The following RAI2 variants were observed in gnomAD, a reference collection of about 807,000 sequenced individuals.
RAI2 encodes retinoic acid-induced protein 2.
RAI2 carries 5 observed loss-of-function variants against 15.3 expected under a neutral mutation model. That is an observed-to-expected ratio of 0.33 (90% CI 0.17 to 0.69). RAI2 has a LOEUF of 0.69. RAI2 is among the 30% of genes least tolerant of loss of function. The pLI, the probability that RAI2 is intolerant of heterozygous loss-of-function variation, is 0.69. For synonymous variants in RAI2, 191 were observed against 184.0 expected (o/e 1.04, Z -0.31); for missense variants, 424 against 424.7 (o/e 1.00, Z 0.01).
intron 1 of RAI2, among the ~76,000 whole-genome samples, chrX:17,848,722 G>T (rs911553526): frequency 9.0e-6 from 1 of 111,507 alleles, no homozygotes; most frequent in African/African-American, 3.3e-5. Flanking sequence ...ATGGAGGGGT[G>T]GGGGAAAACC....
At chrX:17,844,210 C>A (rs899956557) in intron 1 of RAI2, among the ~76,000 whole-genome samples, 1 of 112,460 alleles carries the variant, frequency 8.9e-6, no homozygotes, top group African/African-American at 3.2e-5. Flanking sequence ...ACAATGAAAC[C>A]TACGAAGAAG....
At chrX:17,812,938 T>G (rs2067065676) in intron 1 of RAI2, among the ~76,000 whole-genome samples, 1 of 111,303 alleles carries the variant, frequency 9.0e-6, no homozygotes, top group Non-Finnish European at 1.9e-5. Context: ...TGAATGAGAG[T>G]TACTTAGCTG....
At chrX:17,826,915 A>T (rs2067232926) in intron 1 of RAI2, among the ~76,000 whole-genome samples, 1 of 112,467 alleles carries the variant, frequency 8.9e-6, no homozygotes, top group Admixed American at 9.4e-5. Context: ...GAGTCAATGA[A>T]ATCTCTTTCC....
chrX:17,817,134 A>AC (rs2067117938), intron 1 of RAI2, among the ~76,000 whole-genome samples: 1 of 111,393 alleles, frequency 9.0e-6, no homozygotes, highest in Admixed American at 9.5e-5. Flanking sequence ...GTACTCTTGC[A>AC]ATGTGTCAGT....
chrX:17,823,428 C>CA (rs1397856826), intron 1 of RAI2, among the ~76,000 whole-genome samples: 1 of 112,015 alleles, frequency 8.9e-6, no homozygotes, highest in African/African-American at 3.2e-5. Context: ...GCAGCTTTTC[C>CA]ATGGCAATGG....
intron 1 of RAI2, among the ~76,000 whole-genome samples, chrX:17,843,103 A>G (rs901831186): frequency 8.9e-6 from 1 of 111,819 alleles, no homozygotes; most frequent in Non-Finnish European, 1.9e-5. Context: ...GCATTATGCC[A>G]TTTTTCAATT....
At chrX:17,807,244 G>C (rs923633264) in intron 1 of RAI2, among the ~76,000 whole-genome samples, 5 of 111,136 alleles carry the variant, frequency 4.5e-5, no homozygotes, top group Non-Finnish European at 7.5e-5. Flanking sequence ...CCCTCACTGG[G>C]CTCCCAAAGG....
At chrX:17,803,019 C>G (rs2066935175) in intron 1 of RAI2, among the ~76,000 whole-genome samples, 1 of 111,657 alleles carries the variant, frequency 9.0e-6, no homozygotes. Context: ...ACTCAGGGAT[C>G]TGAGCAGCCT....
At chrX:17,839,644 T>C (rs1282786783) in intron 1 of RAI2, among the ~76,000 whole-genome samples, 1 of 112,381 alleles carries the variant, frequency 8.9e-6, no homozygotes, top group African/African-American at 3.2e-5. Context: ...CAGTGAAAAA[T>C]TCCCATCAGC....
intron 1 of RAI2, among the ~76,000 whole-genome samples, chrX:17,836,122 AT>A (rs778918641): frequency 5.5e-5 from 6 of 108,864 alleles, no homozygotes; most frequent in Non-Finnish European, 1.1e-4. Flanking sequence ...AAATGATTCC[AT>A]TTCCTCACAT....
intron 1 of RAI2, among the ~76,000 whole-genome samples, chrX:17,804,612 A>G (rs1172155774): frequency 2.7e-5 from 3 of 112,102 alleles, no homozygotes; most frequent in East Asian, 2.8e-4. Context: ...AAGTCAAGAC[A>G]TGTTCTGTGC....
chrX:17,844,366 T>C (rs1305463439), intron 1 of RAI2, among the ~76,000 whole-genome samples: 1 of 112,705 alleles, frequency 8.9e-6, no homozygotes, highest in African/African-American at 3.2e-5. Flanking sequence ...TATTGTCCTA[T>C]TCTTGGTGCT....
intron 1 of RAI2, among the ~76,000 whole-genome samples, chrX:17,812,652 C>T (rs971142429): frequency 9.8e-5 from 11 of 111,831 alleles, no homozygotes; most frequent in African/African-American, 3.6e-4. Context: ...TTTTCCTTCT[C>T]CTTTGCACGA....
chrX:17,813,285 A>G (rs1350509270), intron 1 of RAI2, among the ~76,000 whole-genome samples: 1 of 111,769 alleles, frequency 8.9e-6, no homozygotes, highest in Non-Finnish European at 1.9e-5. Context: ...AGTCAGAATT[A>G]TTAGATTTCT....
intron 1 of RAI2, among the ~76,000 whole-genome samples, chrX:17,849,254 C>G (rs1430932499): frequency 1.8e-5 from 2 of 112,638 alleles, no homozygotes; most frequent in African/African-American, 6.5e-5. Context: ...CAAGCATATT[C>G]TAGAGCTGCT....
chrX:17,800,655 A>G lies in RAI2; in HGVS notation c.1356T>C (p.Cys452=). 8.3e-7 allele frequency: 1 copy of G among 1,211,478 alleles called. No homozygotes were observed. Among genetic ancestry groups the G allele is most frequent in the Non-Finnish European group, 1.1e-6 (1 of 895,368 alleles). The part of the protein sequence containing the change: ...SVEDAVPTIF[C]GKIKGLSGVS... ...CCCCTGAGAGGCCTTTGATCTTGCC[A>G]CAGAATATGGTAGGCACAGCATCTT... The change falls in exon 2 of 2, where the codon TGT becomes TGC. Residue 452 remains cysteine (C), a synonymous_variant. Coordinates refer to ENST00000451717, the MANE Select transcript of RAI2 (RefSeq NM_021785.6).
At chrX:17,857,641 C>T (rs1011589881) in intron 1 of RAI2, among the ~76,000 whole-genome samples, 4 of 110,602 alleles carry the variant, frequency 3.6e-5, no homozygotes, top group African/African-American at 1.3e-4. Context: ...TGGAATATGA[C>T]ACCAGGAACT....
At chrX:17,811,784 G>GC (rs1486972305) in intron 1 of RAI2, among the ~76,000 whole-genome samples, 1 of 111,609 alleles carries the variant, frequency 9.0e-6, no homozygotes, top group Non-Finnish European at 1.9e-5. Context: ...TGGGCCCTGG[G>GC]CCCCCTATGA....
Position 17,801,865 on chromosome X carries a change from G to A in RAI2, c.146C>T (p.Ala49Val). The A allele has an allele frequency of 1.7e-6, 2 of 1,211,166 alleles. No individual in the cohort carries two copies. Among genetic ancestry groups the A allele is most frequent in the Non-Finnish European group, 2.2e-6 (2 of 895,360 alleles). The change falls in exon 2 of 2, where the codon GCC becomes GTC. Residue 49 changes from alanine to valine, a missense_variant. Physicochemically the swap from Ala to Val is moderately conservative, Grantham distance 64. Transcript: ENST00000451717. ...GGATGGGGCTGGCACGGTCACCAGG[G>A]CCTTCTTTACCAGGTCAGTGGAGTT... The part of the protein sequence containing the change: ...NINSTDLVKK[A>V]LVTVPAPSIL...
Sources: gnomAD v4.1 joint callset for allele counts (sites outside exome capture counted in the v4.1 genomes callset) on GRCh38, gnomAD v4.1.1 for gene constraint, MANE v1.5 for transcripts, NCBI Gene and HGNC (gene_info 2026-07-23, HGNC 2026-07-21) for gene names.